The following BTLA variants were observed in gnomAD, a reference collection of about 807,000 sequenced individuals.
The protein encoded by BTLA is B and T lymphocyte associated.
A neutral mutation model predicts 25.0 loss-of-function variants in BTLA; 11 were observed. The observed-to-expected ratio is 0.44, with a 90% CI of 0.28 to 0.73. The LOEUF is 0.73. Among genes scored for constraint, BTLA ranks in the 30% least tolerant of loss-of-function variants. The probability of loss-of-function intolerance (pLI) is 0.15; values close to 1 mark genes in which losing one functional copy is unlikely to be tolerated. For synonymous variants in BTLA, 104 were observed against 119.8 expected (o/e 0.87, Z 0.86); for missense variants, 282 against 332.8 (o/e 0.85, Z 1.19).
intron 1 of BTLA, among the ~76,000 whole-genome samples, chr3:112,488,408 G>A (rs916807088): frequency 1.4e-4 from 22 of 151,972 alleles, no homozygotes; most frequent in African/African-American, 5.3e-4. Context: ...ATTTTTAGTA[G>A]AGACGGGGTT....
chr3:112,484,324 T>C (rs1344407668), intron 1 of BTLA, among the ~76,000 whole-genome samples: 2 of 152,230 alleles, frequency 1.3e-5, no homozygotes, highest in African/African-American at 4.8e-5. Flanking sequence ...ATGCCTAATT[T>C]TGGGGGGATA....
chr3:112,488,912 G>A lies in BTLA; in HGVS notation c.89-9143C>T, dbSNP rs376565146. The stretch of plus-strand genomic sequence containing the variant: ...CAGGCATGAGCCACCGCACCCAGCC[G>A]ACATGCATCACTCTTTATAACTACA... On this transcript the variant is annotated intron_variant, in intron 1 of 4. Transcript: ENST00000334529. Among the ~76,000 whole-genome samples, 66 of 152,164 alleles carry A rather than the reference G, an allele frequency of 4.3e-4. 3 individuals carry two copies. The East Asian group carries it at 6.0e-3, about 14-fold the overall frequency.
chr3:112,499,472 TAA>T (rs71631393), upstream of BTLA: 5,245 of 402,428 alleles, frequency 0.013, no homozygotes, highest in South Asian at 0.024. Context: ...GTGAAATAAC[TAA>T]AAAAAAAAAA....
chr3:112,497,333 CA>C (rs1383581282), intron 1 of BTLA, among the ~76,000 whole-genome samples: 3 of 152,064 alleles, frequency 2.0e-5, no homozygotes, highest in African/African-American at 7.2e-5. Context: ...CTGTATTGTA[CA>C]AATGAGGAAA....
intron 1 of BTLA, among the ~76,000 whole-genome samples, chr3:112,483,695 T>C (rs566396689): frequency 1.3e-5 from 2 of 151,462 alleles, no homozygotes; most frequent in East Asian, 4.0e-4. Context: ...AGGCCGGGCA[T>C]GGTGGCTCAC....
At chr3:112,498,753 G>A (rs1325313764) in intron 1 of BTLA, among the ~76,000 whole-genome samples, 7 of 151,704 alleles carry the variant, frequency 4.6e-5, no homozygotes, top group Non-Finnish European at 7.4e-5. Context: ...TTTCTCAATC[G>A]GTATTCTCAA....
At chr3:112,477,436 C>G (rs1403870546) in intron 2 of BTLA, among the ~76,000 whole-genome samples, 1 of 151,608 alleles carries the variant, frequency 6.6e-6, no homozygotes, top group Non-Finnish European at 1.5e-5. Context: ...TCTCCAGTAA[C>G]TAATGACATT....
At chr3:112,497,507 CATT>C (rs1431288754) in intron 1 of BTLA, among the ~76,000 whole-genome samples, 7 of 152,156 alleles carry the variant, frequency 4.6e-5, no homozygotes, top group African/African-American at 1.4e-4. Context: ...CACTGAAACT[CATT>C]GTTCTTAATT....
At chr3:112,471,175 T>C in intron 3 of BTLA, 37 bp downstream of exon 3, 1 of 1,595,654 alleles carries the variant, frequency 6.3e-7, no homozygotes, top group South Asian at 1.1e-5. Context: ...TGGCCCCAAA[T>C]GTGTGGTACT....
intron 4 of BTLA, 137 bp downstream of exon 4, chr3:112,469,607 GTATATATATATATA>G (rs60258722): frequency 3.9e-4 from 23 of 58,444 alleles, no homozygotes; most frequent in African/African-American, 1.3e-3. Flanking sequence ...ATGGGTCTAT[GTATATATATATATA>G]TATATATATA....
intron 1 of BTLA, among the ~76,000 whole-genome samples, chr3:112,493,744 C>T (rs899967901): frequency 2.0e-5 from 3 of 152,208 alleles, no homozygotes; most frequent in Admixed American, 6.5e-5. Context: ...TCAAATGACC[C>T]GCCCTCCTCA....
intron 1 of BTLA, 33 bp from the exon 2 acceptor site, chr3:112,479,802 T>C (rs745673082): frequency 3.3e-6 from 5 of 1,507,036 alleles, no homozygotes; most frequent in South Asian, 1.3e-5. Context: ...AAATCAAATA[T>C]GTTCTTCTGG....
intron 2 of BTLA, among the ~76,000 whole-genome samples, chr3:112,477,383 G>A (rs533705045): frequency 2.7e-5 from 4 of 150,746 alleles, no homozygotes; most frequent in Non-Finnish European, 5.9e-5. Context: ...CTAGTCATTC[G>A]ATGGGTGTGA....
chr3:112,469,486 G>T (rs920076165), intron 4 of BTLA, among the ~76,000 whole-genome samples: 1 of 151,708 alleles, frequency 6.6e-6, no homozygotes, highest in Non-Finnish European at 1.5e-5. Flanking sequence ...TTCTGTCTTG[G>T]ATCTAGACTG....
intron 1 of BTLA, among the ~76,000 whole-genome samples, chr3:112,495,622 A>G (rs1424034930): frequency 6.6e-6 from 1 of 152,250 alleles, no homozygotes; most frequent in Non-Finnish European, 1.5e-5. Context: ...AATATATGGC[A>G]GGCATTGTTG....
intron 1 of BTLA, among the ~76,000 whole-genome samples, chr3:112,494,494 G>A (rs1340061405): frequency 3.9e-5 from 6 of 152,024 alleles, no homozygotes; most frequent in African/African-American, 9.7e-5. Flanking sequence ...GCAAAGACAC[G>A]GAACCAACCC....
intron 1 of BTLA, among the ~76,000 whole-genome samples, chr3:112,484,037 CTTCA>C (rs1343427504): frequency 3.2e-4 from 48 of 151,784 alleles, no homozygotes; most frequent in Non-Finnish European, 5.4e-4. Context: ...CGGGGCAAAG[CTTCA>C]TGGAAAGGCT....
In BTLA at chr3:112,464,120, T is replaced by G; in HGVS notation, c.*1988A>C. ...CCATGTAAATAATAGTGAAGTAGAG[T>G]CATTTGGGAAAATGCATGTATGTCT... On this transcript the variant is annotated 3_prime_UTR_variant, in exon 5 of 5. Transcript: ENST00000334529. 1 of 397,960 alleles carries G rather than the reference T, an allele frequency of 2.5e-6. No homozygotes were observed. Among genetic ancestry groups the G allele is most frequent in the Non-Finnish European group, 4.4e-6 (1 of 225,714 alleles). The allele number at this position is 397,960 out of a possible 1,614,324, so 24.7% of individuals were successfully genotyped here.
In BTLA at chr3:112,464,977, G is replaced by A. The variant is rs1437731691; in HGVS notation, c.*1131C>T. ...CTCAAACTGTTGAATAAAATTATAG[G>A]CTATTTTTGAAATAGTTTAACTCAA... On this transcript the variant is annotated 3_prime_UTR_variant, in exon 5 of 5. Transcript: ENST00000334529. 6.6e-6 allele frequency: 1 copy of A among 152,152 alleles called. No individual in the cohort carries two copies. Among genetic ancestry groups the A allele is most frequent in the Non-Finnish European group, 1.5e-5 (1 of 68,028 alleles). 9.4% of individuals were successfully genotyped at this position (152,152 alleles called of 1,614,324 possible).
Sources: allele counts gnomAD v4.1 joint callset (sites outside exome capture counted in the v4.1 genomes callset), GRCh38; gene constraint gnomAD v4.1.1; transcripts MANE v1.5; gene names NCBI Gene and HGNC (gene_info 2026-07-23, HGNC 2026-07-21).